The following ZNF441 variants were observed in gnomAD, a reference collection of about 807,000 sequenced individuals.
The protein encoded by ZNF441 is zinc finger protein 441.
A neutral mutation model predicts 64.5 loss-of-function variants in ZNF441; 25 were observed. The observed-to-expected ratio is 0.39, with a 90% CI of 0.28 to 0.54. The LOEUF (loss-of-function observed/expected upper bound fraction) is 0.54. ZNF441 is among the 20% of genes least tolerant of loss of function. ZNF441 has a pLI of 0.70. For synonymous variants in ZNF441, 262 were observed against 268.0 expected (o/e 0.98, Z 0.22); for missense variants, 715 against 843.3 (o/e 0.85, Z 1.88).
At position 11,780,258 on chromosome 19, in the gene ZNF441, A is replaced by G; in HGVS notation, c.434A>G (p.Gln145Arg). ...EYGEKPYTHTQCGTAFSYQPC... is the reference protein window; with the variant it reads ...EYGEKPYTHTRCGTAFSYQPC... Reference sequence around the variant, plus strand: ...GGAGAGAAGCCATATACACATACACAATGTGGGACAGCTTTCAGTTATCAG... The same window carrying G: ...GGAGAGAAGCCATATACACATACACGATGTGGGACAGCTTTCAGTTATCAG... The change falls in exon 4 of 4, where the codon CAA becomes CGA. Residue 145 changes from glutamine to arginine, a missense_variant. Around this residue, in one of 2 missense-constraint regions of ZNF441, gnomAD observed 399 missense variants for 413.9 expected, o/e 0.96. Coordinates refer to ENST00000357901, the MANE Select transcript of ZNF441 (RefSeq NM_152355.3). The G allele has an allele frequency of 6.2e-7, 1 of 1,614,168 alleles. No homozygotes were observed. Among genetic ancestry groups the G allele is most frequent in the Admixed American group, 1.7e-5 (1 of 60,022 alleles).
At position 11,780,216 on chromosome 19, in the gene ZNF441, G is replaced by A. The variant is rs965423808; in HGVS notation, c.392G>A (p.Cys131Tyr). 4 of 1,614,180 alleles carry A rather than the reference G, an allele frequency of 2.5e-6. No individual in the cohort carries two copies. The highest frequency in any genetic ancestry group is 3.4e-6 in the Non-Finnish European group (4 of 1,180,030). Residue 131 changes from cysteine (C) to tyrosine (Y), a missense_variant, in exon 4 of 4, where the codon TGT becomes TAT. Coordinates refer to ENST00000357901, the MANE Select transcript of ZNF441 (RefSeq NM_152355.3). ...AGAGTTGACAGTGAACACAAACCATGTGAGTATCAAGAATATGGAGAGAAG... is the reference window on the plus strand; with the variant it reads ...AGAGTTGACAGTGAACACAAACCATATGAGTATCAAGAATATGGAGAGAAG... ...YVRVDSEHKPCEYQEYGEKPY... is the reference protein window; with the variant it reads ...YVRVDSEHKPYEYQEYGEKPY...
In ZNF441 at chr19:11,770,902, T is replaced by C. The variant is rs10401501; in HGVS notation, c.3+3706T>C. On this transcript the variant is annotated intron_variant, in intron 1 of 3. Transcript: ENST00000357901. ...CCACGCCTAGCCTACCACTGCACTA[T>C]AGCCTGGGTGACAGAACAAAACTCT... is the stretch of plus-strand genomic sequence containing the variant. Among the ~76,000 whole-genome samples the C allele has an allele frequency of 8.1e-3, 1,185 of 146,710 alleles. 15 individuals carry two copies. Among genetic ancestry groups the C allele is most frequent in the African/African-American group, 0.029 (1,140 of 39,594 alleles).
intron 1 of ZNF441, among the ~76,000 whole-genome samples, chr19:11,772,120 G>A (rs1975318773): frequency 1.3e-5 from 2 of 152,178 alleles, no homozygotes; most frequent in Non-Finnish European, 2.9e-5. Context: ...TGGCTGCCAG[G>A]CAGGGAAGGG....
At chr19:11,775,736 T>A (rs2145081216) in intron 1 of ZNF441, among the ~76,000 whole-genome samples, 1 of 151,294 alleles carries the variant, frequency 6.6e-6, no homozygotes, top group East Asian at 1.9e-4. Flanking sequence ...CAAGCGATTC[T>A]TGTCCCTAAG....
Position 11,782,004 on chromosome 19 carries a change from A to G in ZNF441, c.*98A>G. The stretch of plus-strand genomic sequence containing the variant: ...ACTCACACTGAAAAAAGTTGTATGA[A>G]TATAAAAATGTACTAAAACCTTCCA... On this transcript the variant is annotated 3_prime_UTR_variant, in exon 4 of 4. Coordinates refer to ENST00000357901, the MANE Select transcript of ZNF441 (RefSeq NM_152355.3). 9.6e-7 allele frequency: 1 copy of G among 1,044,434 alleles called. No individual in the cohort carries two copies. The highest frequency in any genetic ancestry group is 1.3e-6 in the Non-Finnish European group (1 of 764,150). The allele number at this position is 1,044,434 out of a possible 1,614,324, so 64.7% of individuals were successfully genotyped here. A position where few individuals can be genotyped will look rare whatever the true frequency, so the allele number is the denominator to read the frequency against.
chr19:11,777,974 C>T (rs959980973), intron 2 of ZNF441: 2 of 421,598 alleles, frequency 4.7e-6, no homozygotes, highest in East Asian at 4.5e-5. Flanking sequence ...ATATGTATTA[C>T]ATGCTATATA....
Position 11,781,466 on chromosome 19 carries a change from C to A in ZNF441, c.1642C>A (p.Leu548Ile). The change falls in exon 4 of 4, where the codon CTA (leucine) becomes ATA (isoleucine). Residue 548 changes from leucine (L) to isoleucine (I), a missense_variant. Coordinates refer to ENST00000357901, the MANE Select transcript of ZNF441 (RefSeq NM_152355.3). ...CTTCAGGTCTTCCAGTTACATTCAA[C>A]TACATGAAAGGACTCACACTGGAGA... is the stretch of plus-strand genomic sequence containing the variant. ...KGFRSSSYIQ[L>I]HERTHTGEKP... is the part of the protein sequence containing the mutation. The A allele has an allele frequency of 6.2e-7, 1 of 1,612,988 alleles. No homozygotes were observed. Among genetic ancestry groups the A allele is most frequent in the South Asian group, 1.1e-5 (1 of 91,026 alleles).
intron 1 of ZNF441, among the ~76,000 whole-genome samples, chr19:11,771,788 G>T (rs1455310640): frequency 1.3e-5 from 2 of 152,214 alleles, no homozygotes; most frequent in African/African-American, 4.8e-5. Context: ...AGCAAAAAGT[G>T]TCAAGGAACA....
chr19:11,778,079 A>T (rs1233222624), intron 2 of ZNF441: 1 of 451,366 alleles, frequency 2.2e-6, no homozygotes, highest in African/African-American at 2.0e-5. Context: ...ATACAACATT[A>T]CAAAGTTTTC....
At chr19:11,772,521 C>G (rs1171780572) in intron 1 of ZNF441, among the ~76,000 whole-genome samples, 1 of 152,196 alleles carries the variant, frequency 6.6e-6, no homozygotes. Context: ...GCTAAGGGAA[C>G]AGAGACTTCA....
At position 11,771,837 on chromosome 19, in the gene ZNF441, C is replaced by T. The variant is rs1261497750; in HGVS notation, c.3+4641C>T. On this transcript the variant is annotated intron_variant, in intron 1 of 3. Coordinates refer to ENST00000357901, the MANE Select transcript of ZNF441 (RefSeq NM_152355.3). Reference sequence around the variant, plus strand: ...AGACCGGGAAAGGGAGTCTCCTTTTCCCCGGGGGAGTTTAGAGAAGACTGC... The same window carrying T: ...AGACCGGGAAAGGGAGTCTCCTTTTTCCCGGGGGAGTTTAGAGAAGACTGC... Among the ~76,000 whole-genome samples the T allele has an allele frequency of 2.6e-5, 4 of 152,202 alleles. No homozygotes were observed. The East Asian group carries it at 5.8e-4, about 22-fold the overall frequency.
At chr19:11,777,884 A>G (rs537920704) in intron 2 of ZNF441, 147 bp downstream of exon 2, 18 of 783,630 alleles carry the variant, frequency 2.3e-5, no homozygotes, top group East Asian at 6.0e-5. Context: ...CTCCCGCACA[A>G]CTTAACCACT....
chr19:11,777,345 G>C (rs1568480954), intron 1 of ZNF441, among the ~76,000 whole-genome samples: 1 of 152,166 alleles, frequency 6.6e-6, no homozygotes, highest in Non-Finnish European at 1.5e-5. Context: ...TAGAAATGAG[G>C]AGTGATTCAG....
chr19:11,769,179 T>C (rs1280053231), intron 1 of ZNF441, among the ~76,000 whole-genome samples: 5 of 152,128 alleles, frequency 3.3e-5, no homozygotes, highest in African/African-American at 1.2e-4. Context: ...TTTTTTGGTA[T>C]GGAAAAACGA....
chr19:11,778,242 C>A, intron 2 of ZNF441, 88 bp from the exon 3 acceptor site: 1 of 906,440 alleles, frequency 1.1e-6, no homozygotes, highest in Non-Finnish European at 1.7e-6. Flanking sequence ...GTGTGTGAAT[C>A]ATGCATGATT....
intron 1 of ZNF441, among the ~76,000 whole-genome samples, chr19:11,776,831 G>A (rs1008601899): frequency 4.0e-5 from 6 of 150,764 alleles, no homozygotes; most frequent in South Asian, 4.2e-4. Context: ...TTTTTGAGGC[G>A]GAGTTTCTCT....
chr19:11,781,088 A>G lies in ZNF441; in HGVS notation c.1264A>G (p.Lys422Glu). 1.2e-6 allele frequency: 2 copies of G among 1,614,006 alleles called. No homozygotes were observed. Among genetic ancestry groups the G allele is most frequent in the South Asian group, 2.2e-5 (2 of 91,070 alleles). ...CACTGGAGAGAAGCCATATAAATGT[A>G]AACAATGTGGAAAAGCCTTCATTTG... The part of the protein sequence containing the change: ...THTGEKPYKC[K>E]QCGKAFICCT... Residue 422 changes from lysine to glutamate, a missense_variant, in exon 4 of 4, where the codon AAA becomes GAA. Lys to Glu is a moderately conservative substitution (Grantham distance 56, BLOSUM62 1). Transcript: ENST00000357901.
chr19:11,779,136 T>C (rs1975376198), intron 3 of ZNF441, among the ~76,000 whole-genome samples: 1 of 151,708 alleles, frequency 6.6e-6, no homozygotes, highest in South Asian at 2.1e-4. Context: ...CTGGGCAACG[T>C]GGCAAGACGC....
At position 11,780,335 on chromosome 19, in the gene ZNF441, T is replaced by A. The variant is rs574834002; in HGVS notation, c.511T>A (p.Cys171Ser). 6.2e-7 allele frequency: 1 copy of A among 1,614,188 alleles called. No homozygotes were observed. Among genetic ancestry groups the A allele is most frequent in the South Asian group, 1.1e-5 (1 of 91,082 alleles). Residue 171 changes from cysteine to serine, a missense_variant, in exon 4 of 4, where the codon TGT becomes AGT. Transcript: ENST00000357901. ...TCAGCATGGAAAGAAACTCTATGAT[T>A]GTAAGGAATGTGCAAGCTTCAGTTC... ...RPQHGKKLYD[C>S]KECASFSSLE...
Sources: allele counts gnomAD v4.1 joint callset (sites outside exome capture counted in the v4.1 genomes callset), GRCh38; gene constraint gnomAD v4.1.1; regional missense constraint gnomAD v4.1.1; transcripts MANE v1.5; gene names NCBI Gene and HGNC (gene_info 2026-07-23, HGNC 2026-07-21).